CADPS: variants seen among roughly 807,000 people sequenced by gnomAD.
CADPS encodes calcium-dependent secretion activator 1.
In CADPS, 57 loss-of-function variants were observed where a neutral mutation model predicts 167.3. The observed-to-expected ratio is 0.34, with a 90% CI of 0.28 to 0.42. The LOEUF (loss-of-function observed/expected upper bound fraction) is 0.42. Ranked by LOEUF, CADPS falls within the 20% of genes least tolerant of loss-of-function variation. The probability of loss-of-function intolerance (pLI) is 1.00; values close to 1 mark genes in which losing one functional copy is unlikely to be tolerated. For missense variants in CADPS, 1,414 were observed against 1,738.1 expected, an observed-to-expected ratio of 0.81 and a Z score of 3.32; for synonymous variants, 676 against 635.3, an observed-to-expected ratio of 1.06 and a Z score of -0.96.
At chr3:62,587,403 T>C (rs969580209) in intron 7 of CADPS, among the ~76,000 whole-genome samples, 3 of 152,208 alleles carry the variant, frequency 2.0e-5, no homozygotes, top group Non-Finnish European at 4.4e-5. Context: ...CTGTATCATG[T>C]ACCACATCCC....
intron 26 of CADPS, among the ~76,000 whole-genome samples, chr3:62,461,660 C>T (rs911325877): frequency 6.6e-6 from 1 of 152,214 alleles, no homozygotes; most frequent in African/African-American, 2.4e-5. Flanking sequence ...TCTTCTGTAT[C>T]CATCGCTGAC....
intron 1 of CADPS, among the ~76,000 whole-genome samples, chr3:62,830,111 A>G (rs1237248033): frequency 3.9e-5 from 6 of 152,076 alleles, no homozygotes; most frequent in Non-Finnish European, 8.8e-5. Flanking sequence ...CTATCACCTC[A>G]TTTTGAAATT....
chr3:62,490,821 G>C (rs1038331191), intron 21 of CADPS, among the ~76,000 whole-genome samples: 1 of 152,082 alleles, frequency 6.6e-6, no homozygotes, highest in African/African-American at 2.4e-5. Context: ...AGTTTCATTG[G>C]AACACAGCTA....
At chr3:62,468,983 TG>T (rs2060257954) in intron 24 of CADPS, among the ~76,000 whole-genome samples, 1 of 152,200 alleles carries the variant, frequency 6.6e-6, no homozygotes, top group African/African-American at 2.4e-5. Flanking sequence ...AGGTGCTATG[TG>T]GCAGTATTAC....
chr3:62,726,326 T>C (rs895104310), intron 3 of CADPS, among the ~76,000 whole-genome samples: 2 of 151,884 alleles, frequency 1.3e-5, no homozygotes, highest in Non-Finnish European at 2.9e-5. Context: ...AGAATTTCCT[T>C]CATTTCTCCT....
Position 62,538,001 on chromosome 3 carries a change from C to T in CADPS, c.1967-1420G>A, listed in dbSNP as rs143354960. On this transcript the variant is annotated intron_variant, in intron 11 of 29. Coordinates refer to ENST00000383710, the MANE Select transcript of CADPS (RefSeq NM_003716.4). ...CCAAGACTCGCAGAAGCAACGGTTT[C>T]CAGAAGGCAAGTTGAAGAATGTGTA... Among the ~76,000 whole-genome samples, 408 of 152,226 alleles carry T rather than the reference C, an allele frequency of 2.7e-3. 1 individual carries two copies. Among genetic ancestry groups the T allele is most frequent in the Middle Eastern group, 0.01 (3 of 292 alleles).
At chr3:62,482,102 C>T (rs1288869265) in intron 21 of CADPS, among the ~76,000 whole-genome samples, 2 of 152,130 alleles carry the variant, frequency 1.3e-5, no homozygotes, top group South Asian at 2.1e-4. Flanking sequence ...CTTAAAAGTG[C>T]ACCCATACAC....
intron 28 of CADPS, among the ~76,000 whole-genome samples, chr3:62,431,166 G>A (rs1227127400): frequency 6.6e-6 from 1 of 152,098 alleles, no homozygotes; most frequent in Non-Finnish European, 1.5e-5. Context: ...GGAAAATCCC[G>A]GTAGAATTAA....
intron 1 of CADPS, among the ~76,000 whole-genome samples, chr3:62,862,215 TG>T (rs2080928271): frequency 1.4e-5 from 2 of 147,706 alleles, no homozygotes; most frequent in Non-Finnish European, 3.0e-5. Flanking sequence ...TTGAAAACAG[TG>T]GTTTTTTTTT....
At chr3:62,775,835 G>A (rs749848781) in intron 1 of CADPS, among the ~76,000 whole-genome samples, 1 of 152,040 alleles carries the variant, frequency 6.6e-6, no homozygotes, top group Admixed American at 6.6e-5. Flanking sequence ...TGTGCCCAAG[G>A]ATCAACATTT....
chr3:62,524,935 A>G (rs1322090689), intron 13 of CADPS, among the ~76,000 whole-genome samples: 2 of 152,308 alleles, frequency 1.3e-5, no homozygotes, highest in East Asian at 1.9e-4. Flanking sequence ...ACAAATACAG[A>G]CAACTAATCT....
rs13313954 is a variant in CADPS, at chr3:62,579,545, G to A, written c.1577+5640C>T. 4.4e-3 allele frequency among the ~76,000 whole-genome samples: 670 copies of A among 152,188 alleles called. 4 individuals carry two copies. Among genetic ancestry groups the A allele is most frequent in the African/African-American group, 0.015 (624 of 41,526 alleles). On this transcript the variant is annotated intron_variant, in intron 8 of 29. Transcript: ENST00000383710. ...GTAAGAGAGAGAGGGAGGACACAGC[G>A]GGGCCAGGTAAGGCTTTCTGATAAG...
intron 6 of CADPS, among the ~76,000 whole-genome samples, chr3:62,640,995 C>T (rs779913017): frequency 9.2e-5 from 14 of 151,962 alleles, no homozygotes; most frequent in South Asian, 2.1e-4. Context: ...CTGCCATTTC[C>T]GTATACCAAG....
At chr3:62,866,641 G>A (rs1451800797) in intron 1 of CADPS, among the ~76,000 whole-genome samples, 2 of 152,044 alleles carry the variant, frequency 1.3e-5, no homozygotes, top group Non-Finnish European at 2.9e-5. Flanking sequence ...ATCGCATGAA[G>A]AAAGGTGAGG....
At chr3:62,413,700 A>G (rs2049432183) in intron 28 of CADPS, among the ~76,000 whole-genome samples, 1 of 152,186 alleles carries the variant, frequency 6.6e-6, no homozygotes, top group Non-Finnish European at 1.5e-5. Flanking sequence ...CTGTGAATCT[A>G]TATAATACTA....
At chr3:62,813,716 G>C (rs988908748) in intron 1 of CADPS, among the ~76,000 whole-genome samples, 1 of 152,080 alleles carries the variant, frequency 6.6e-6, no homozygotes, top group African/African-American at 2.4e-5. Flanking sequence ...TTTGACAAAG[G>C]TCTAACGTCC....
chr3:62,685,069 G>A (rs541689141), intron 3 of CADPS, among the ~76,000 whole-genome samples: 2 of 151,954 alleles, frequency 1.3e-5, no homozygotes, highest in South Asian at 2.1e-4. Context: ...TTGAAAAGTC[G>A]CTATCAATGA....
chr3:62,737,171 A>G (rs147109851), intron 3 of CADPS, among the ~76,000 whole-genome samples: 2 of 151,456 alleles, frequency 1.3e-5, no homozygotes, highest in Non-Finnish European at 2.9e-5. Flanking sequence ...CACACACACA[A>G]AAATAACCCC....
chr3:62,660,745 G>A (rs973316025), intron 4 of CADPS, among the ~76,000 whole-genome samples: 1 of 152,150 alleles, frequency 6.6e-6, no homozygotes, highest in South Asian at 2.1e-4. Context: ...GAATCATCAG[G>A]AGCCTGATGC....
Sources: allele counts gnomAD v4.1 joint callset (sites outside exome capture counted in the v4.1 genomes callset), GRCh38; gene constraint gnomAD v4.1.1; transcripts MANE v1.5; gene names NCBI Gene and HGNC (gene_info 2026-07-23, HGNC 2026-07-21).